Variants in SSR2 observed in about 807,000 individuals in gnomAD.
SSR2 encodes translocon-associated protein subunit beta.
Under a neutral mutation model 22.6 loss-of-function variants are expected in SSR2, and 16 were observed. The ratio of observed to expected loss-of-function variants is 0.71; its 90% confidence interval spans 0.48 to 1.08. SSR2 has a LOEUF of 1.08. Among genes scored for constraint, SSR2 ranks in the 50% least tolerant of loss-of-function variants. The pLI is 0.00. For missense variants in SSR2, 171 were observed against 221.6 expected (o/e 0.77, Z 1.45); for synonymous variants, 83 against 91.2 (o/e 0.91, Z 0.51).
At position 156,020,174 on chromosome 1, in the gene SSR2, A is replaced by G. The variant is rs773914131; in HGVS notation, c.1-7T>C. ...CAAATGACAGCAGCCTCATCTTTAG[A>G]GAAAAAAGCAAAGTGAGTTATCAAA... On this transcript the variant is annotated splice_polypyrimidine_tract_variant and splice_region_variant and intron_variant, in intron 1 of 5. Transcript: ENST00000295702. 1.2e-6 allele frequency: 2 copies of G among 1,613,110 alleles called. No homozygotes were observed. Among genetic ancestry groups the G allele is most frequent in the Admixed American group, 1.7e-5 (1 of 59,760 alleles).
chr1:156,013,177 C>T (rs1255962279), intron 4 of SSR2: 1 of 152,218 alleles, frequency 6.6e-6, no homozygotes, highest in African/African-American at 2.4e-5. Context: ...GCCTGTAATC[C>T]CAGTACTTTG....
chr1:156,016,408 GT>G (rs1430714061), intron 3 of SSR2, among the ~76,000 whole-genome samples: 3 of 151,600 alleles, frequency 2.0e-5, no homozygotes, highest in East Asian at 2.0e-4. Flanking sequence ...TAATTTTTTT[GT>G]ATTTTTAGTA....
intron 3 of SSR2, chr1:156,018,062 T>C: frequency 2.2e-6 from 1 of 460,708 alleles, no homozygotes; most frequent in South Asian, 2.5e-5. Context: ...TTCAGGGTCT[T>C]ATAATCTGAA....
intron 5 of SSR2, chr1:156,010,650 G>A (rs1031340062): frequency 2.0e-5 from 3 of 152,250 alleles, no homozygotes; most frequent in Non-Finnish European, 4.4e-5. Flanking sequence ...CAGACTGGAA[G>A]AGAAGCTTCT....
chr1:156,020,680 C>G (rs940147458), intron 1 of SSR2: 1 of 347,128 alleles, frequency 2.9e-6, no homozygotes, highest in Non-Finnish European at 5.8e-6. Context: ...CCTCGCCTGT[C>G]ACATCCCTTT....
chr1:156,014,688 C>T (rs1175242654), intron 4 of SSR2: 1 of 253,106 alleles, frequency 4.0e-6, no homozygotes, highest in Non-Finnish European at 7.9e-6. Context: ...ATTACAGGCG[C>T]CTGCCACCAC....
chr1:156,020,733 C>T, intron 1 of SSR2, 155 bp downstream of exon 1: 2 of 374,392 alleles, frequency 5.3e-6, no homozygotes, highest in South Asian at 4.0e-5. Context: ...TCACCTCTGC[C>T]CCCCGCCTCC....
chr1:156,011,176 T>C (rs1483866624), intron 5 of SSR2: 1 of 152,224 alleles, frequency 6.6e-6, no homozygotes, highest in African/African-American at 2.4e-5. Flanking sequence ...TCACCCAGGC[T>C]AGAGTGCAGT....
At chr1:156,011,943 C>T (rs1682983650) in intron 4 of SSR2, 56 bp from the exon 5 acceptor site, 2 of 1,424,490 alleles carry the variant, frequency 1.4e-6, no homozygotes, top group African/African-American at 2.8e-5. Context: ...AGTTCCACCT[C>T]ATCTACTCTG....
At chr1:156,010,473 G>A (rs1334285493) in intron 5 of SSR2, 1 of 152,160 alleles carries the variant, frequency 6.6e-6, no homozygotes. Flanking sequence ...GGGCTCAAGC[G>A]ATCCTCCAGC....
At chr1:156,009,851 G>A (rs984548536) in intron 5 of SSR2, among the ~76,000 whole-genome samples, 2 of 152,052 alleles carry the variant, frequency 1.3e-5, no homozygotes, top group Non-Finnish European at 2.9e-5. Flanking sequence ...TCAGCTCACT[G>A]CAACCTCCGC....
rs1165783877 is a variant in SSR2 at position 156,009,359 on chromosome 1, G to C, written c.*181C>G. 1 of 575,784 alleles carries C rather than the reference G, an allele frequency of 1.7e-6. No individual in the cohort carries two copies. The allele number at this position is 575,784 out of a possible 1,614,324, so 35.7% of individuals were successfully genotyped here. The stretch of plus-strand genomic sequence containing the variant: ...TCACGATGGAACCAAGGAGGCTCTC[G>C]CAGACTCCTAGGGCTGGTCCTTCAC... On this transcript the variant is annotated 3_prime_UTR_variant, in exon 6 of 6. Transcript: ENST00000295702.
intron 5 of SSR2, chr1:156,010,220 AT>A (rs905360728): frequency 4.0e-5 from 6 of 149,300 alleles, no homozygotes; most frequent in South Asian, 2.1e-4. Context: ...CACCTGGCTA[AT>A]TTTTTTTTTA....
At position 156,010,040 on chromosome 1, in the gene SSR2, G is replaced by A. The variant is rs137887207; in HGVS notation, c.442-390C>T. Reference sequence around the variant, plus strand: ...GCCCACCTCGGCCTCCCAAAGTGCTGGGATTACAGGCATGAGCCACCGCGC... The same window carrying A: ...GCCCACCTCGGCCTCCCAAAGTGCTAGGATTACAGGCATGAGCCACCGCGC... On this transcript the variant is annotated intron_variant, in intron 5 of 5. Coordinates refer to ENST00000295702, the MANE Select transcript of SSR2 (RefSeq NM_003145.4). 7.7e-3 allele frequency among the ~76,000 whole-genome samples: 1,176 copies of A among 152,162 alleles called. 19 individuals carry two copies. The highest frequency in any genetic ancestry group is 0.027 in the African/African-American group (1,122 of 41,506).
chr1:156,011,588 T>C (rs573329400), intron 5 of SSR2: 2 of 387,194 alleles, frequency 5.2e-6, no homozygotes, highest in Non-Finnish European at 9.6e-6. Context: ...GATGGGACTC[T>C]ACTTAAGTCA....
At chr1:156,013,434 A>C (rs986457998) in intron 4 of SSR2, 6 of 125,104 alleles carry the variant, frequency 4.8e-5, no homozygotes, top group African/African-American at 1.7e-4. Context: ...TCAAAAAGAA[A>C]AAAAAGAAAA....
intron 5 of SSR2, chr1:156,010,370 T>C (rs1682962684): frequency 6.6e-6 from 1 of 152,038 alleles, no homozygotes; most frequent in Admixed American, 6.6e-5. Context: ...ATTTTCTTAA[T>C]TTTTATTTTA....
At chr1:156,015,285 T>C (rs1312318520) in intron 3 of SSR2, among the ~76,000 whole-genome samples, 1 of 151,394 alleles carries the variant, frequency 6.6e-6, no homozygotes, top group Non-Finnish European at 1.5e-5. Flanking sequence ...GCGGGTGGAT[T>C]GGCTGAGTTC....
Position 156,009,512 on chromosome 1 carries a change from T to C in SSR2, c.*28A>G, listed in dbSNP as rs1428367135. On this transcript the variant is annotated 3_prime_UTR_variant, in exon 6 of 6. Coordinates refer to ENST00000295702, the MANE Select transcript of SSR2 (RefSeq NM_003145.4). ...TCTTGGGAGAGGAGCCTGGATTTCTTGGGAGAGGAGGGCTGTGGAAGCCCC... is the reference window on the plus strand; with the variant it reads ...TCTTGGGAGAGGAGCCTGGATTTCTCGGGAGAGGAGGGCTGTGGAAGCCCC... The C allele has an allele frequency of 1.3e-6, 2 of 1,550,360 alleles. No homozygotes were observed. The highest frequency in any genetic ancestry group is 2.7e-5 in the African/African-American group (2 of 73,522).
Sources: allele counts gnomAD v4.1 joint callset (sites outside exome capture counted in the v4.1 genomes callset), GRCh38; gene constraint gnomAD v4.1.1; transcripts MANE v1.5; gene names NCBI Gene and HGNC (gene_info 2026-07-23, HGNC 2026-07-21).